The following PLBD1 variants were observed in gnomAD, a reference collection of about 807,000 sequenced individuals.
The protein encoded by PLBD1 is phospholipase B domain containing 1, also known as lysosomal leucine aminopeptidase.
A neutral mutation model predicts 63.0 loss-of-function variants in PLBD1; 60 were observed. The observed-to-expected ratio is 0.95, with a 90% confidence interval of 0.77 to 1.18. PLBD1 has a LOEUF of 1.18. PLBD1 is among the 50% of genes most tolerant of loss of function. PLBD1 has a pLI of 0.00. For missense variants in PLBD1, 598 were observed against 677.9 expected (o/e 0.88, Z 1.31); for synonymous variants, 262 against 248.0 (o/e 1.06, Z -0.53).
intron 6 of PLBD1, among the ~76,000 whole-genome samples, chr12:14,512,878 C>T (rs897803296): frequency 1.3e-5 from 2 of 152,132 alleles, no homozygotes; most frequent in Admixed American, 6.5e-5. Flanking sequence ...GCACTGTCTA[C>T]GAGAAACAGA....
intron 10 of PLBD1, among the ~76,000 whole-genome samples, chr12:14,505,102 C>T (rs1457639933): frequency 8.0e-6 from 1 of 124,936 alleles, no homozygotes; most frequent in Non-Finnish European, 1.7e-5. Context: ...TTCTCTACGT[C>T]TACCTTTTTT....
chr12:14,507,075 G>T lies in PLBD1; in HGVS notation c.1230C>A (p.Tyr410Ter). 6.2e-7 allele frequency: 1 copy of T among 1,613,316 alleles called. No homozygotes were observed. The change falls in exon 9 of 11, where the codon TAC becomes TAA. Residue 410 changes from tyrosine (Y) to a stop codon, truncating the protein, a stop_gained. Transcript: ENST00000240617. LOFTEE classifies it high-confidence loss of function. ...CTAACAGTGGATAGCCACTCCAGTT[G>T]TAGATTTTTTCATGGAAAGGAACAT... ...SYNVPFHEKI[Y>*]NWSGYPLLVQ...
At chr12:14,506,344 C>T (rs1425517167) in intron 9 of PLBD1, 76 bp from the exon 10 acceptor site, 2 of 1,025,604 alleles carry the variant, frequency 2.0e-6, no homozygotes, top group Non-Finnish European at 3.0e-6. Context: ...GGTTTTGAGG[C>T]CTGTTAAAGC....
At chr12:14,525,682 AACAC>A (rs57722328) in intron 6 of PLBD1, among the ~76,000 whole-genome samples, 117,931 of 149,130 alleles carry the variant, frequency 0.79, 48,589 homozygotes, top group East Asian at 0.9. Flanking sequence ...CTTACTTCTC[AACAC>A]ACACACACAC....
intron 4 of PLBD1, among the ~76,000 whole-genome samples, chr12:14,539,805 C>G (rs901283406): frequency 6.6e-6 from 1 of 150,716 alleles, no homozygotes; most frequent in South Asian, 2.1e-4. Flanking sequence ...AAGTTAGAGT[C>G]TTACTGTATG....
Position 14,536,579 on chromosome 12 carries a change from A to G in PLBD1, c.690T>C (p.Ala230=). 6.2e-7 allele frequency: 1 copy of G among 1,614,162 alleles called. No individual in the cohort carries two copies. The highest frequency in any genetic ancestry group is 8.5e-7 in the Non-Finnish European group (1 of 1,180,010). Residue 230 remains alanine, a synonymous_variant, in exon 5 of 11, where the codon GCT becomes GCC. Transcript: ENST00000240617. ...AGCTGCTATGTCTTACCTTGATAAG[A>G]GCGGAGCAATGTCCCATGTCCCATC... The part of the protein sequence containing the change: ...FKRWDMGHCS[A]LIKVLPGFEN...
At chr12:14,526,115 AAT>A (rs1945413859) in intron 6 of PLBD1, among the ~76,000 whole-genome samples, 1 of 152,198 alleles carries the variant, frequency 6.6e-6, no homozygotes, top group African/African-American at 2.4e-5. Flanking sequence ...AAATGAACTA[AAT>A]AGTGAAATGG....
At chr12:14,562,102 G>C (rs986818735) in intron 1 of PLBD1, among the ~76,000 whole-genome samples, 2 of 152,124 alleles carry the variant, frequency 1.3e-5, no homozygotes, top group African/African-American at 4.8e-5. Context: ...TGTCTCTTTC[G>C]TTGAAGTGCT....
chr12:14,526,117 T>C (rs1002323158), intron 6 of PLBD1, among the ~76,000 whole-genome samples: 12 of 152,204 alleles, frequency 7.9e-5, no homozygotes, highest in Middle Eastern at 3.4e-3. Context: ...ATGAACTAAA[T>C]AGTGAAATGG....
Position 14,529,182 on chromosome 12 carries a change from G to A in PLBD1, c.844+6477C>T, listed in dbSNP as rs183303502. On this transcript the variant is annotated intron_variant, in intron 6 of 10. Transcript: ENST00000240617. ...TGTACTCCAGCCTGGGGGACAGAGTGAGACCCTGTCTTTAAAAATAAATAA... is the reference window on the plus strand; with the variant it reads ...TGTACTCCAGCCTGGGGGACAGAGTAAGACCCTGTCTTTAAAAATAAATAA... Among the ~76,000 whole-genome samples the A allele has an allele frequency of 1.5e-3, 231 of 152,022 alleles. 2 individuals are homozygous for A. Among genetic ancestry groups the A allele is most frequent in the African/African-American group, 5.3e-3 (221 of 41,478 alleles).
At chr12:14,534,748 TA>T (rs1210716022) in intron 6 of PLBD1, among the ~76,000 whole-genome samples, 1 of 152,176 alleles carries the variant, frequency 6.6e-6, no homozygotes, top group Non-Finnish European at 1.5e-5. Context: ...TTCACTGTGT[TA>T]GCCAGGATGG....
chr12:14,561,610 A>C (rs1051162122), intron 1 of PLBD1, among the ~76,000 whole-genome samples: 8 of 152,196 alleles, frequency 5.3e-5, no homozygotes, highest in African/African-American at 1.9e-4. Flanking sequence ...GCTGGAATGC[A>C]ATGGCACGGT....
intron 2 of PLBD1, among the ~76,000 whole-genome samples, chr12:14,550,544 T>C (rs935233301): frequency 1.3e-5 from 2 of 152,052 alleles, no homozygotes; most frequent in Non-Finnish European, 2.9e-5. Flanking sequence ...AGAAACAAAA[T>C]TACCAGCCTG....
At chr12:14,526,739 G>A (rs1266493835) in intron 6 of PLBD1, among the ~76,000 whole-genome samples, 3 of 152,168 alleles carry the variant, frequency 2.0e-5, no homozygotes, top group African/African-American at 4.8e-5. Context: ...TTGGGAGGCC[G>A]AGGCAGGCAG....
At chr12:14,515,538 T>C (rs1319494243) in intron 6 of PLBD1, among the ~76,000 whole-genome samples, 1 of 152,182 alleles carries the variant, frequency 6.6e-6, no homozygotes, top group Admixed American at 6.5e-5. Flanking sequence ...TTTTGGTCTG[T>C]ACTAAATATA....
chr12:14,524,623 A>C (rs1344954438), intron 6 of PLBD1, among the ~76,000 whole-genome samples: 2 of 152,206 alleles, frequency 1.3e-5, no homozygotes, highest in East Asian at 3.8e-4. Flanking sequence ...GGAACTGATA[A>C]ATGTTTGCGG....
chr12:14,537,329 G>A (rs1020255143), intron 4 of PLBD1, among the ~76,000 whole-genome samples: 1 of 152,068 alleles, frequency 6.6e-6, no homozygotes, highest in Non-Finnish European at 1.5e-5. Context: ...TTTTGAGCTG[G>A]CCGATACTTT....
At chr12:14,534,954 TTTTCAAATTCTAGCCATCC>T (rs901124934) in intron 6 of PLBD1, among the ~76,000 whole-genome samples, 2 of 152,284 alleles carry the variant, frequency 1.3e-5, no homozygotes, top group East Asian at 1.9e-4. Flanking sequence ...CATCTCTACT[TTTTCAAATTCTAGCCATCC>T]TTTCAAATTC....
At chr12:14,553,472 T>C (rs1215220206) in intron 1 of PLBD1, 60 bp from the exon 2 acceptor site, 4 of 1,272,720 alleles carry the variant, frequency 3.1e-6, no homozygotes, top group Non-Finnish European at 3.4e-6. Flanking sequence ...TGCATTTTTT[T>C]CCTATGTATC....
Sources: gnomAD v4.1 joint callset for allele counts (sites outside exome capture counted in the v4.1 genomes callset) on GRCh38, gnomAD v4.1.1 for gene constraint, MANE v1.5 for transcripts, NCBI Gene and HGNC (gene_info 2026-07-23, HGNC 2026-07-21) for gene names.